The following ZNF469 variants were observed in gnomAD, a reference collection of about 807,000 sequenced individuals.
ZNF469 encodes the protein zinc finger protein 469.
Under a neutral mutation model 1.0 loss-of-function variants are expected in ZNF469, and 1 was observed. The ratio of observed to expected loss-of-function variants is 1.00; its 90% CI spans 0.35 to 4.73. ZNF469 has a LOEUF of 4.73. Among genes scored for constraint, ZNF469 ranks in the 30% most tolerant of loss-of-function variants. ZNF469 has a pLI of 0.16. For missense variants in ZNF469, 6,100 were observed against 5,356.3 expected (o/e 1.14, Z -4.33); for synonymous variants, 2,703 against 2,363.4 (o/e 1.14, Z -4.17).
At chr16:88,278,231 C>T in the ZNF469 span, among the ~76,000 whole-genome samples, 325 of 28,016 alleles carry the variant, frequency 0.012, 69 homozygotes, top group Middle Eastern at 0.045. Flanking sequence ...TGCTGCGTCA[C>T]ACCGACGCTC....
intron 1 of ZNF469, among the ~76,000 whole-genome samples, chr16:88,384,069 T>G (rs2092532088): frequency 6.6e-6 from 1 of 152,230 alleles, no homozygotes; most frequent in South Asian, 2.1e-4. Flanking sequence ...AGTCCGCTCC[T>G]GCAGCGGAGG....
At chr16:88,369,816 A>AC in the ZNF469 span, among the ~76,000 whole-genome samples, 1 of 151,902 alleles carries the variant, frequency 6.6e-6, no homozygotes, top group Admixed American at 6.6e-5. Context: ...CACCCCCGCG[A>AC]CCCCCAGCCC....
rs535533519 is a variant in ZNF469 at position 88,434,477 on chromosome 16, G to A, written c.7007G>A (p.Arg2336His). 8.4e-6 allele frequency: 13 copies of A among 1,549,948 alleles called. No individual in the cohort carries two copies. Among genetic ancestry groups the A allele is most frequent in the South Asian group, 4.8e-5 (4 of 84,058 alleles). Residue 2336 changes from arginine to histidine, a missense_variant, in exon 3 of 3, where the codon CGC becomes CAC. Coordinates refer to ENST00000565624, the MANE Select transcript of ZNF469 (RefSeq NM_001367624.2). Reference sequence around the variant, plus strand: ...TCGTATTCTCCAAGCAATACTGCCCGCCTCGGCCACAGGGAGGGCCAGGCT... The same window carrying A: ...TCGTATTCTCCAAGCAATACTGCCCACCTCGGCCACAGGGAGGGCCAGGCT... The part of the protein sequence containing the change: ...HSSYSPSNTA[R>H]LGHREGQAVT...
upstream of ZNF469, among the ~76,000 whole-genome samples, chr16:88,380,397 C>T (rs558173396): frequency 3.6e-3 from 268 of 73,756 alleles, 14 homozygotes; most frequent in African/African-American, 0.026. Context: ...ACAGACACGC[C>T]CTCACACAGA....
the ZNF469 span, among the ~76,000 whole-genome samples, chr16:88,257,149 A>G: frequency 2.1e-5 from 3 of 143,808 alleles, no homozygotes; most frequent in East Asian, 6.1e-4. Flanking sequence ...TTTTTAGTAG[A>G]GAAAGGGTTT....
chr16:88,141,834 G>C, the ZNF469 span, among the ~76,000 whole-genome samples: 5 of 152,214 alleles, frequency 3.3e-5, no homozygotes, highest in Admixed American at 2.6e-4. Context: ...GCCAGAAAAG[G>C]CAGGAAAGGG....
the ZNF469 span, among the ~76,000 whole-genome samples, chr16:88,351,254 C>T: frequency 9.9e-3 from 1,502 of 152,352 alleles, 29 homozygotes; most frequent in African/African-American, 0.034. Context: ...CCCGGGTGCC[C>T]AGCTGCGGGT....
chr16:88,395,660 G>A (rs563518588), intron 1 of ZNF469, among the ~76,000 whole-genome samples: 95 of 152,130 alleles, frequency 6.2e-4, no homozygotes, highest in African/African-American at 2.1e-3. Context: ...AATTCCCACC[G>A]GAGGCTCAGA....
chr16:88,202,932 C>T, the ZNF469 span, among the ~76,000 whole-genome samples: 2 of 152,160 alleles, frequency 1.3e-5, no homozygotes, highest in South Asian at 2.1e-4. Context: ...AGCCGGGTGC[C>T]GCAGCCGATG....
At chr16:88,240,161 T>C in the ZNF469 span, among the ~76,000 whole-genome samples, 1 of 152,020 alleles carries the variant, frequency 6.6e-6, no homozygotes, top group Non-Finnish European at 1.5e-5. Flanking sequence ...TGCTCTGTCC[T>C]GCCAGCCCCA....
At chr16:88,273,927 C>A in the ZNF469 span, among the ~76,000 whole-genome samples, 1 of 151,912 alleles carries the variant, frequency 6.6e-6, no homozygotes, top group Non-Finnish European at 1.5e-5. Context: ...GCCTCAGCCT[C>A]CCGTGTAGCT....
chr16:88,229,539 G>A, the ZNF469 span, among the ~76,000 whole-genome samples: 1,080 of 150,738 alleles, frequency 7.2e-3, 11 homozygotes, highest in East Asian at 0.043. Context: ...CTGATGTCAC[G>A]CGTGTGGATG....
the ZNF469 span, among the ~76,000 whole-genome samples, chr16:88,367,607 C>T: frequency 6.6e-6 from 1 of 152,178 alleles, no homozygotes; most frequent in Non-Finnish European, 1.5e-5. Context: ...CAAAGCAAAG[C>T]GACCATGACC....
the ZNF469 span, among the ~76,000 whole-genome samples, chr16:88,258,631 C>T: frequency 6.6e-6 from 1 of 151,528 alleles, no homozygotes; most frequent in African/African-American, 2.4e-5. Context: ...TGGCACAGAC[C>T]CATGAGTTTA....
At chr16:88,316,276 G>A in the ZNF469 span, among the ~76,000 whole-genome samples, 896 of 152,292 alleles carry the variant, frequency 5.9e-3, 40 homozygotes, top group East Asian at 0.11. Flanking sequence ...GAGTGTGATC[G>A]CAGCTGCCAG....
chr16:88,248,361 T>C, the ZNF469 span, among the ~76,000 whole-genome samples: 9 of 152,192 alleles, frequency 5.9e-5, no homozygotes, highest in Admixed American at 1.3e-4. Context: ...TGAGCAGACA[T>C]TCGGGGACTG....
chr16:88,332,346 G>A, the ZNF469 span, among the ~76,000 whole-genome samples: 9 of 152,218 alleles, frequency 5.9e-5, no homozygotes, highest in South Asian at 2.1e-4. Flanking sequence ...GGGAGCTGGC[G>A]CGGGTGCCTG....
the ZNF469 span, among the ~76,000 whole-genome samples, chr16:88,200,515 G>A: frequency 1.3e-5 from 2 of 152,238 alleles, no homozygotes; most frequent in African/African-American, 2.4e-5. Flanking sequence ...TCTCCCAGCT[G>A]AGCTGTCTTC....
At chr16:88,120,987 G>A in the ZNF469 span, among the ~76,000 whole-genome samples, 1 of 152,218 alleles carries the variant, frequency 6.6e-6, no homozygotes, top group East Asian at 1.9e-4. Flanking sequence ...CACCATAGGT[G>A]TGGGGTGTTT....
Sources: allele counts gnomAD v4.1 joint callset (sites outside exome capture counted in the v4.1 genomes callset), GRCh38; gene constraint gnomAD v4.1.1; transcripts MANE v1.5; gene names NCBI Gene and HGNC (gene_info 2026-07-23, HGNC 2026-07-21).